The following PIK3CB variants were observed in gnomAD, a reference collection of about 807,000 sequenced individuals.
PIK3CB encodes the protein phosphatidylinositol-4,5-bisphosphate 3-kinase catalytic subunit beta, also known as phosphatidylinositol 4,5-bisphosphate 3-kinase catalytic subunit beta isoform.
Under a neutral mutation model 136.8 loss-of-function variants are expected in PIK3CB, and 39 were observed. That is an observed-to-expected ratio of 0.29 (90% CI 0.22 to 0.37). The LOEUF is 0.37. Among genes scored for constraint, PIK3CB ranks in the 10% least tolerant of loss-of-function variants. The pLI is 1.00. For synonymous variants in PIK3CB, 428 were observed against 436.6 expected, an observed-to-expected ratio of 0.98 and a Z score of 0.25; for missense variants, 868 against 1,275.4, an observed-to-expected ratio of 0.68 and a Z score of 4.87.
At chr3:138,691,708 T>C (rs1184767063) in intron 14 of PIK3CB, among the ~76,000 whole-genome samples, 1 of 152,206 alleles carries the variant, frequency 6.6e-6, no homozygotes, top group East Asian at 1.9e-4. Flanking sequence ...CTTTCCTTTA[T>C]AAATTACCCA....
At chr3:138,674,544 G>A (rs942576267) in intron 19 of PIK3CB, among the ~76,000 whole-genome samples, 1 of 152,138 alleles carries the variant, frequency 6.6e-6, no homozygotes, top group African/African-American at 2.4e-5. Flanking sequence ...CCTGAAGGGA[G>A]AAGGAATCTG....
rs972150510 is a variant in PIK3CB, at chr3:138,707,543, T to C, written c.1400-254A>G. On this transcript the variant is annotated intron_variant, in intron 10 of 23. Transcript: ENST00000674063. ...TGACTACTTTACCTCTTAATTCAAA[T>C]TTAGTTCTCAATCTTGAAAAGACTT... The C allele has an allele frequency of 1.6e-5, 20 of 1,222,520 alleles. No individual in the cohort carries two copies. The African/African-American group carries it at 3.2e-4, about 19-fold the overall frequency. The allele number at this position is 1,222,520 out of a possible 1,614,324, so 75.7% of individuals were successfully genotyped here.
In PIK3CB at chr3:138,722,221, G is replaced by GACAC. The variant is rs56139182; in HGVS notation, c.1051-7506_1051-7503dup. 6.8e-3 allele frequency among the ~76,000 whole-genome samples: 978 copies of GACAC among 144,210 alleles called. 11 individuals are homozygous for GACAC. The highest frequency in any genetic ancestry group is 0.013 in the African/African-American group (507 of 38,796). 94.6% of individuals were successfully genotyped at this position (144,210 alleles called of 152,430 possible). A position where few individuals can be genotyped will look rare whatever the true frequency, so the allele number is the denominator to read the frequency against. ...TCTGTATTGTATGTGCTATGTAAGAGACACACACACACACACACACACACA... is the reference window on the plus strand; with the variant it reads ...TCTGTATTGTATGTGCTATGTAAGAGACACACACACACACACACACACACACACA... On this transcript the variant is annotated intron_variant, in intron 8 of 23. Coordinates refer to ENST00000674063, the MANE Select transcript of PIK3CB (RefSeq NM_006219.3).
At chr3:138,658,251 C>G (rs762601796) in intron 21 of PIK3CB, among the ~76,000 whole-genome samples, 6 of 151,962 alleles carry the variant, frequency 3.9e-5, no homozygotes, top group Non-Finnish European at 8.8e-5. Context: ...GAGTTCAAGG[C>G]CAGCCTAGGC....
At chr3:138,670,694 A>C (rs924842648) in intron 19 of PIK3CB, among the ~76,000 whole-genome samples, 2 of 152,162 alleles carry the variant, frequency 1.3e-5, no homozygotes. Flanking sequence ...CCTCTTATCT[A>C]TGCAGTATAC....
At chr3:138,697,876 G>A (rs373110849) in intron 13 of PIK3CB, among the ~76,000 whole-genome samples, 5 of 151,936 alleles carry the variant, frequency 3.3e-5, no homozygotes, top group African/African-American at 1.2e-4. Context: ...AGGACTACAG[G>A]CACATGCCAG....
At chr3:138,793,471 C>T (rs893783891) in intron 2 of PIK3CB, among the ~76,000 whole-genome samples, 12 of 151,938 alleles carry the variant, frequency 7.9e-5, no homozygotes, top group African/African-American at 1.9e-4. Flanking sequence ...TCGAGCATGA[C>T]GGCACATGCC....
intron 2 of PIK3CB, among the ~76,000 whole-genome samples, chr3:138,784,845 C>G (rs1013829705): frequency 6.6e-6 from 1 of 152,108 alleles, no homozygotes; most frequent in Admixed American, 6.5e-5. Flanking sequence ...TCTGCCCGGC[C>G]GCCACCCCGT....
chr3:138,703,643 T>C lies in PIK3CB; in HGVS notation c.1581+800A>G, dbSNP rs376460213. Among the ~76,000 whole-genome samples the C allele has an allele frequency of 5.3e-5, 8 of 152,156 alleles. No homozygotes were observed. In the East Asian group the frequency reaches 5.8e-4, roughly 11 times the overall value. On this transcript the variant is annotated intron_variant, in intron 12 of 23. Transcript: ENST00000674063. Reference sequence around the variant, plus strand: ...AGATATAGATATATAGATGTAGATATAGATATAAATATAGCAACCCAAGTC... The same window carrying C: ...AGATATAGATATATAGATGTAGATACAGATATAAATATAGCAACCCAAGTC...
intron 2 of PIK3CB, chr3:138,769,933 T>C (rs2108760722): frequency 6.6e-6 from 1 of 152,314 alleles, no homozygotes; most frequent in East Asian, 1.9e-4. Context: ...TATCCAGGAA[T>C]ACACACAGAC....
intron 1 of PIK3CB, among the ~76,000 whole-genome samples, chr3:138,831,020 C>A (rs1268224808): frequency 6.7e-6 from 1 of 149,892 alleles, no homozygotes; most frequent in African/African-American, 2.4e-5. Flanking sequence ...CGGTGGCTCC[C>A]GCCTGGAGTC....
intron 13 of PIK3CB, 74 bp from the exon 14 acceptor site, chr3:138,694,981 C>T: frequency 7.0e-7 from 1 of 1,426,284 alleles, no homozygotes; most frequent in Non-Finnish European, 9.4e-7. Flanking sequence ...CACACAGGAG[C>T]ACCAAGATAG....
At chr3:138,761,509 T>G (rs1462881152) in intron 2 of PIK3CB, among the ~76,000 whole-genome samples, 1 of 152,198 alleles carries the variant, frequency 6.6e-6, no homozygotes, top group South Asian at 2.1e-4. Flanking sequence ...CTGTGGCCCA[T>G]GCCTGTAATC....
intron 1 of PIK3CB, among the ~76,000 whole-genome samples, chr3:138,826,783 T>G (rs945818143): frequency 6.6e-6 from 1 of 152,084 alleles, no homozygotes; most frequent in Admixed American, 6.6e-5. Context: ...AACTAAAAAT[T>G]CCTGGCCAGG....
intron 12 of PIK3CB, among the ~76,000 whole-genome samples, chr3:138,701,809 A>AAAAATCT (rs1159461230): frequency 2.0e-5 from 3 of 150,916 alleles, no homozygotes. Context: ...AAAGAAAAAG[A>AAAAATCT]AAAATCTAAT....
chr3:138,682,240 A>AT (rs2043796979), intron 18 of PIK3CB, among the ~76,000 whole-genome samples, 195 bp from the exon 19 acceptor site: 1 of 152,222 alleles, frequency 6.6e-6, no homozygotes, highest in South Asian at 2.1e-4. Context: ...AAATTAAAAG[A>AT]TTTTTTAAAT....
chr3:138,679,748 AATT>A (rs59677449), intron 19 of PIK3CB, among the ~76,000 whole-genome samples: 95 of 141,452 alleles, frequency 6.7e-4, no homozygotes, highest in African/African-American at 1.8e-3. Flanking sequence ...ATGCCTGGCT[AATT>A]ATTATTATTA....
At chr3:138,655,943 T>C (rs1278965663) in intron 23 of PIK3CB, among the ~76,000 whole-genome samples, 199 bp downstream of exon 23, 4 of 152,158 alleles carry the variant, frequency 2.6e-5, no homozygotes, top group African/African-American at 7.2e-5. Context: ...CTTCTACTGA[T>C]GGGAAAATCT....
rs746209531 is a variant in PIK3CB, at chr3:138,755,747, A to G, written c.397+7T>C. On this transcript the variant is annotated splice_region_variant and intron_variant, in intron 4 of 23. Coordinates refer to ENST00000674063, the MANE Select transcript of PIK3CB (RefSeq NM_006219.3). ...AATTTGTACTTTTTTTTTATTTTTT[A>G]ATTTACCTTTTCCTATAAGGACTCC... 1 of 1,346,236 alleles carries G rather than the reference A, an allele frequency of 7.4e-7. No homozygotes were observed. The highest frequency in any genetic ancestry group is 1.9e-5 in the Admixed American group (1 of 53,480). The allele number at this position is 1,346,236 out of a possible 1,614,324, so 83.4% of individuals were successfully genotyped here.
Sources: gnomAD v4.1 joint callset for allele counts (sites outside exome capture counted in the v4.1 genomes callset) on GRCh38, gnomAD v4.1.1 for gene constraint, MANE v1.5 for transcripts, NCBI Gene and HGNC (gene_info 2026-07-23, HGNC 2026-07-21) for gene names.